The following BCL2L13 variants were observed in gnomAD, a reference collection of about 807,000 sequenced individuals.
BCL2L13 encodes the protein bcl-2-like protein 13.
In BCL2L13, 13 loss-of-function variants were observed where a neutral mutation model predicts 25.8. The ratio of observed to expected loss-of-function variants is 0.50; its 90% CI spans 0.33 to 0.80. The LOEUF (loss-of-function observed/expected upper bound fraction) is 0.80. Ranked by LOEUF, BCL2L13 falls within the 30% of genes least tolerant of loss-of-function variation. The pLI, the probability that BCL2L13 is intolerant of heterozygous loss-of-function variation, is 0.02. For missense variants in BCL2L13, 504 were observed against 574.9 expected (o/e 0.88, Z 1.26); for synonymous variants, 244 against 230.3 (o/e 1.06, Z -0.54).
At chr22:17,688,006 C>T (rs970788548) in intron 3 of BCL2L13, among the ~76,000 whole-genome samples, 10 of 151,926 alleles carry the variant, frequency 6.6e-5, no homozygotes, top group Non-Finnish European at 1.2e-4. Flanking sequence ...TTAGTAGAGA[C>T]GGGGTTTCCC....
chr22:17,656,540 G>GT (rs2058872692), intron 2 of BCL2L13, among the ~76,000 whole-genome samples: 1 of 151,020 alleles, frequency 6.6e-6, no homozygotes, highest in South Asian at 2.1e-4. Flanking sequence ...TAGAGATGAG[G>GT]TTTTGCCGTG....
intron 1 of BCL2L13, among the ~76,000 whole-genome samples, chr22:17,644,693 T>G (rs1296810961): frequency 1.3e-5 from 2 of 151,584 alleles, no homozygotes; most frequent in Non-Finnish European, 2.9e-5. Context: ...TGAAATAATT[T>G]ATTAAAATGT....
chr22:17,714,270 G>C (rs961341713), intron 6 of BCL2L13, among the ~76,000 whole-genome samples: 1 of 151,612 alleles, frequency 6.6e-6, no homozygotes, highest in African/African-American at 2.4e-5. Context: ...TCCAGCCTGG[G>C]CAACAGAGTG....
At chr22:17,649,010 A>T (rs191485474) in intron 1 of BCL2L13, among the ~76,000 whole-genome samples, 2,719 of 152,038 alleles carry the variant, frequency 0.018, 30 homozygotes, top group Middle Eastern at 0.058. Flanking sequence ...TCACAGGCTC[A>T]CTGCAGCCTC....
At chr22:17,662,392 G>A (rs1210051416) in intron 2 of BCL2L13, among the ~76,000 whole-genome samples, 1 of 151,988 alleles carries the variant, frequency 6.6e-6, no homozygotes, top group East Asian at 1.9e-4. Flanking sequence ...GCAGGAGAAT[G>A]GCGTGAACCC....
rs752194881 is a variant in BCL2L13 at position 17,726,846 on chromosome 22, C to T, written c.770C>T (p.Ser257Leu). 3.1e-6 allele frequency: 5 copies of T among 1,613,934 alleles called. No homozygotes were observed. Among genetic ancestry groups the T allele is most frequent in the Admixed American group, 3.3e-5 (2 of 60,004 alleles). Residue 257 changes from serine (S) to leucine (L), a missense_variant, in exon 7 of 7, where the codon TCA becomes TTA. Physicochemically the swap from Ser to Leu is moderately radical, Grantham distance 145. Transcript: ENST00000317582. ...WQSESLPVSL[S>L]ASQSWHTESL... ...TCTGAGAGCTTACCTGTGTCACTGT[C>T]AGCTAGCCAGAGTTGGCACACAGAA...
At chr22:17,695,998 C>A in intron 4 of BCL2L13, 143 bp from the exon 5 acceptor site, 3 of 484,578 alleles carry the variant, frequency 6.2e-6, no homozygotes, top group Non-Finnish European at 1.2e-5. Flanking sequence ...GTGTGAAAAG[C>A]CACGTCTTGT....
intron 6 of BCL2L13, among the ~76,000 whole-genome samples, chr22:17,717,589 C>A: frequency 6.6e-6 from 1 of 152,026 alleles, no homozygotes; most frequent in East Asian, 1.9e-4. Context: ...CAATGCCCGG[C>A]CTCTGTTACT....
intron 1 of BCL2L13, among the ~76,000 whole-genome samples, chr22:17,650,991 CTTTT>C (rs35235295): frequency 1.9e-5 from 2 of 105,406 alleles, no homozygotes; most frequent in South Asian, 3.2e-4. Flanking sequence ...CCATTCACTC[CTTTT>C]TTTTTTTTTT....
chr22:17,710,444 G>A (rs2060718708), intron 6 of BCL2L13, among the ~76,000 whole-genome samples: 2 of 151,968 alleles, frequency 1.3e-5, no homozygotes, highest in South Asian at 4.2e-4. Context: ...TCCGGGCATG[G>A]TGGCGCACAC....
intron 6 of BCL2L13, among the ~76,000 whole-genome samples, chr22:17,710,516 G>A (rs2060721487): frequency 6.6e-6 from 1 of 151,804 alleles, no homozygotes; most frequent in South Asian, 2.1e-4. Flanking sequence ...GGAGGCGGAG[G>A]TTGCGGTGAG....
At chr22:17,713,001 G>A (rs1410076612) in intron 6 of BCL2L13, among the ~76,000 whole-genome samples, 1 of 152,152 alleles carries the variant, frequency 6.6e-6, no homozygotes, top group Non-Finnish European at 1.5e-5. Flanking sequence ...TATGGGCTTC[G>A]GGTATGGGAG....
intron 1 of BCL2L13, among the ~76,000 whole-genome samples, chr22:17,629,526 T>C (rs2057959607): frequency 6.6e-6 from 1 of 152,186 alleles, no homozygotes; most frequent in Non-Finnish European, 1.5e-5. Flanking sequence ...TCATTTGTTT[T>C]TATTTGGATT....
intron 6 of BCL2L13, among the ~76,000 whole-genome samples, chr22:17,710,818 A>G (rs1413078774): frequency 6.6e-6 from 1 of 151,902 alleles, no homozygotes; most frequent in East Asian, 1.9e-4. Context: ...CGGAGCTTGC[A>G]GTGAGTCAAG....
At chr22:17,635,569 C>T (rs570897649), upstream of BCL2L13, among the ~76,000 whole-genome samples, 3 of 152,136 alleles carry the variant, frequency 2.0e-5, no homozygotes, top group Admixed American at 1.3e-4. Context: ...TTCCATTGAC[C>T]TGTATGTCTA....
At chr22:17,640,150 G>T (rs2058222610) in intron 1 of BCL2L13, among the ~76,000 whole-genome samples, 1 of 151,614 alleles carries the variant, frequency 6.6e-6, no homozygotes, top group East Asian at 1.9e-4. Flanking sequence ...CACCGCGCAC[G>T]GTGATACCTT....
chr22:17,660,990 G>C (rs2059047794), intron 2 of BCL2L13, among the ~76,000 whole-genome samples: 1 of 145,078 alleles, frequency 6.9e-6, no homozygotes, highest in African/African-American at 2.4e-5. Flanking sequence ...TGTTGCCCAG[G>C]CTGGTCTTGA....
chr22:17,722,378 G>GTGTGTGTGT (rs1491171137), intron 6 of BCL2L13, among the ~76,000 whole-genome samples: 1 of 122,060 alleles, frequency 8.2e-6, no homozygotes, highest in African/African-American at 4.1e-5. Context: ...AGACTACAGG[G>GTGTGTGTGT]GTGTGTGTGT....
At chr22:17,721,568 A>T (rs2061134068) in intron 6 of BCL2L13, among the ~76,000 whole-genome samples, 1 of 130,168 alleles carries the variant, frequency 7.7e-6, no homozygotes, top group Admixed American at 9.5e-5. Flanking sequence ...AATGCCACCC[A>T]GGCTGGAGTG....
Sources: gnomAD v4.1 joint callset for allele counts (sites outside exome capture counted in the v4.1 genomes callset) on GRCh38, gnomAD v4.1.1 for gene constraint, MANE v1.5 for transcripts, NCBI Gene and HGNC (gene_info 2026-07-23, HGNC 2026-07-21) for gene names.